SORBS2: variants seen among roughly 807,000 people sequenced by gnomAD.
The protein encoded by SORBS2 is sorbin and SH3 domain-containing protein 2.
In SORBS2, 46 loss-of-function variants were observed where a neutral mutation model predicts 97.7. That is an observed-to-expected ratio of 0.47 (90% confidence interval 0.37 to 0.60). SORBS2 has a LOEUF of 0.60. Among genes scored for constraint, SORBS2 ranks in the 20% least tolerant of loss-of-function variants. The pLI, the probability that SORBS2 is intolerant of heterozygous loss-of-function variation, is 0.00. For missense variants in SORBS2, 1,316 were observed against 1,282.3 expected, an observed-to-expected ratio of 1.03 and a Z score of -0.40; for synonymous variants, 476 against 473.4, an observed-to-expected ratio of 1.01 and a Z score of -0.07.
chr4:185,927,166 A>C (rs2149948915), intron 1 of SORBS2, among the ~76,000 whole-genome samples: 1 of 148,990 alleles, frequency 6.7e-6, no homozygotes, highest in South Asian at 2.1e-4. Flanking sequence ...TTACATACAT[A>C]AGGTATACAT....
intron 2 of SORBS2, among the ~76,000 whole-genome samples, chr4:185,744,087 A>C (rs1226466961): frequency 2.2e-3 from 144 of 65,760 alleles, no homozygotes; most frequent in African/African-American, 3.1e-3. Flanking sequence ...CTCCTCTTCC[A>C]CTTCCCCCTT....
At chr4:185,777,728 G>A (rs1340636525) in intron 1 of SORBS2, among the ~76,000 whole-genome samples, 2 of 152,028 alleles carry the variant, frequency 1.3e-5, no homozygotes, top group Non-Finnish European at 2.9e-5. Flanking sequence ...AATGCGGCTA[G>A]TCAGAACTGA....
intron 1 of SORBS2, among the ~76,000 whole-genome samples, chr4:185,917,384 G>T (rs1273140983): frequency 2.6e-5 from 4 of 152,178 alleles, no homozygotes; most frequent in African/African-American, 9.7e-5. Flanking sequence ...AAGCCACCAT[G>T]CCTAGCTCAT....
chr4:185,711,160 G>C (rs1421236150), intron 2 of SORBS2, among the ~76,000 whole-genome samples: 1 of 150,888 alleles, frequency 6.6e-6, no homozygotes, highest in South Asian at 2.1e-4. Context: ...TTTTTGTAGA[G>C]CTGGGGTCTT....
At chr4:185,877,977 T>A (rs545866632) in intron 1 of SORBS2, among the ~76,000 whole-genome samples, 7 of 151,470 alleles carry the variant, frequency 4.6e-5, no homozygotes, top group African/African-American at 1.2e-4. Flanking sequence ...CTAAAAGGCA[T>A]AACATTACAA....
At chr4:185,953,384 C>A (rs961271894) in intron 1 of SORBS2, among the ~76,000 whole-genome samples, 3 of 152,208 alleles carry the variant, frequency 2.0e-5, no homozygotes, top group Non-Finnish European at 4.4e-5. Context: ...AGCCCTTCCT[C>A]TCTCACTGGC....
chr4:185,771,270 C>T (rs905190486), intron 2 of SORBS2: 5 of 152,118 alleles, frequency 3.3e-5, no homozygotes, highest in East Asian at 1.9e-4. Flanking sequence ...GGGTTATAGG[C>T]GTGAGCCACC....
At chr4:185,703,232 T>C (rs2098291426) in intron 2 of SORBS2, among the ~76,000 whole-genome samples, 1 of 152,246 alleles carries the variant, frequency 6.6e-6, no homozygotes, top group South Asian at 2.1e-4. Flanking sequence ...ATTTTATAAA[T>C]CTGCACCAGA....
At position 185,623,528 on chromosome 4, in the gene SORBS2, G is replaced by A. The variant is rs1463371942; in HGVS notation, c.1601C>T (p.Thr534Ile). Residue 534 changes from threonine (T) to isoleucine (I), a missense_variant, in exon 7 of 15, where the codon ACA (threonine) becomes ATA (isoleucine). Transcript: ENST00000418609. This position sits in a 1 kb window ranked among gnomAD's most constrained non-coding sequence, Gnocchi z 6.4. ...GGATCCGTAAAAGCTTTCGGAGGATGTGAAGGAAAAGTGATCAAAGTCACT... is the reference window on the plus strand; with the variant it reads ...GGATCCGTAAAAGCTTTCGGAGGATATGAAGGAAAAGTGATCAAAGTCACT... 1.2e-6 allele frequency: 2 copies of A among 1,613,990 alleles called. No individual in the cohort carries two copies. Among genetic ancestry groups the A allele is most frequent in the Admixed American group, 1.7e-5 (1 of 59,996 alleles).
chr4:185,694,110 C>T (rs185499967), intron 2 of SORBS2, among the ~76,000 whole-genome samples: 64 of 152,308 alleles, frequency 4.2e-4, no homozygotes, highest in Admixed American at 3.1e-3. Flanking sequence ...AATAAAAATG[C>T]ACGATTCTAT....
intron 1 of SORBS2, among the ~76,000 whole-genome samples, chr4:185,858,019 C>T (rs180774657): frequency 6.6e-6 from 1 of 152,284 alleles, no homozygotes; most frequent in East Asian, 1.9e-4. Context: ...GACCTACTCC[C>T]TGTTCATACA....
intron 2 of SORBS2, among the ~76,000 whole-genome samples, chr4:185,767,495 G>C (rs1207020166): frequency 4.5e-5 from 2 of 44,008 alleles, no homozygotes; most frequent in Non-Finnish European, 7.6e-5. Flanking sequence ...GTGAGACTCT[G>C]TCTCAAAAAA....
chr4:185,591,693 T>A (rs1049973395), intron 13 of SORBS2, among the ~76,000 whole-genome samples: 1 of 152,178 alleles, frequency 6.6e-6, no homozygotes, highest in African/African-American at 2.4e-5. Flanking sequence ...AAACTGATTC[T>A]TTTATTGAGC....
At chr4:185,820,982 A>G (rs1205184918) in intron 1 of SORBS2, among the ~76,000 whole-genome samples, 1 of 152,180 alleles carries the variant, frequency 6.6e-6, no homozygotes, top group Non-Finnish European at 1.5e-5. Context: ...CCTTGATTCA[A>G]TCCGACAAAC....
At chr4:185,771,993 T>C (rs2098974143) in intron 2 of SORBS2, 1 of 152,174 alleles carries the variant, frequency 6.6e-6, no homozygotes, top group African/African-American at 2.4e-5. Context: ...TCCTAATGCT[T>C]GGTGTCTCTA....
intron 1 of SORBS2, among the ~76,000 whole-genome samples, chr4:185,834,664 T>G (rs1192459875): frequency 6.6e-6 from 1 of 152,110 alleles, no homozygotes; most frequent in East Asian, 1.9e-4. Flanking sequence ...TTTAAAATAA[T>G]TAATTCCTAG....
intron 1 of SORBS2, among the ~76,000 whole-genome samples, chr4:185,937,538 G>A (rs1341785832): frequency 1.3e-5 from 2 of 152,194 alleles, no homozygotes; most frequent in Admixed American, 6.5e-5. Context: ...AGGAACAAAT[G>A]CACTAAATCC....
exon 15 of SORBS2, chr4:185,586,842 A>G (rs1370295010): frequency 6.6e-6 from 1 of 152,658 alleles, no homozygotes; most frequent in African/African-American, 2.4e-5. Flanking sequence ...TAAAATAGCG[A>G]TGCAACTTTA....
At chr4:185,840,158 C>T (rs186399170) in intron 1 of SORBS2, among the ~76,000 whole-genome samples, 30 of 152,220 alleles carry the variant, frequency 2.0e-4, no homozygotes, top group East Asian at 1.2e-3. Flanking sequence ...CGAGATTCCA[C>T]GGTCATTTGT....
Sources: gnomAD v4.1 joint callset for allele counts (sites outside exome capture counted in the v4.1 genomes callset) on GRCh38, gnomAD v4.1.1 for gene constraint, Gnocchi (gnomAD v3.1) non-coding constraint, MANE v1.5 for transcripts, NCBI Gene and HGNC (gene_info 2026-07-23, HGNC 2026-07-21) for gene names.